ANXA2: variants seen among roughly 807,000 people sequenced by gnomAD.
The protein encoded by ANXA2 is annexin II.
A neutral mutation model predicts 47.3 loss-of-function variants in ANXA2; 28 were observed. The observed-to-expected ratio is 0.59, with a 90% confidence interval of 0.44 to 0.81. ANXA2 has a LOEUF of 0.81. ANXA2 is among the 40% of genes least tolerant of loss of function. ANXA2 has a pLI of 0.00. For missense variants in ANXA2, 384 were observed against 414.3 expected (o/e 0.93, Z 0.64); for synonymous variants, 172 against 155.5 (o/e 1.11, Z -0.79).
intron 3 of ANXA2, among the ~76,000 whole-genome samples, chr15:60,372,921 C>G (rs1325345179): frequency 6.6e-6 from 1 of 151,984 alleles, no homozygotes; most frequent in Non-Finnish European, 1.5e-5. Context: ...TCCCAAAGTG[C>G]TGGGATTACA....
chr15:60,355,894 C>G, intron 7 of ANXA2, 25 bp downstream of exon 7: 2 of 1,599,718 alleles, frequency 1.3e-6, no homozygotes, highest in East Asian at 4.5e-5. Flanking sequence ...GAAGCAAGGG[C>G]AAAGAAAGAA....
At chr15:60,377,959 A>C (rs2062804560) in intron 3 of ANXA2, among the ~76,000 whole-genome samples, 1 of 152,040 alleles carries the variant, frequency 6.6e-6, no homozygotes, top group East Asian at 1.9e-4. Flanking sequence ...GTGGTGGTGC[A>C]TGCCTGTGGT....
intron 3 of ANXA2, among the ~76,000 whole-genome samples, chr15:60,376,607 G>T (rs1452888406): frequency 6.6e-6 from 1 of 152,188 alleles, no homozygotes; most frequent in African/African-American, 2.4e-5. Context: ...GACTGGCTGG[G>T]AAAAGTAGCC....
chr15:60,373,215 C>T (rs1566941967), intron 3 of ANXA2, among the ~76,000 whole-genome samples: 1 of 152,152 alleles, frequency 6.6e-6, no homozygotes, highest in Non-Finnish European at 1.5e-5. Flanking sequence ...CATACAAATG[C>T]ACTTACATTT....
At position 60,375,331 on chromosome 15, in the gene ANXA2, C is replaced by T. The variant is rs540788416; in HGVS notation, c.148+7011G>A. On this transcript the variant is annotated intron_variant, in intron 3 of 12. Coordinates refer to ENST00000451270, the MANE Select transcript of ANXA2 (RefSeq NM_004039.3). ...TAATAATAGGGTAATTCATTACCCTCCCCTTCCAGAGAGAGACCAAAGCTG... is the reference window on the plus strand; with the variant it reads ...TAATAATAGGGTAATTCATTACCCTTCCCTTCCAGAGAGAGACCAAAGCTG... Among the ~76,000 whole-genome samples the T allele has an allele frequency of 3.8e-3, 575 of 152,306 alleles. 4 individuals are homozygous for T. The highest frequency in any genetic ancestry group is 0.013 in the African/African-American group (545 of 41,552).
At chr15:60,374,004 AGGGGAGTT>A (rs1268845857) in intron 3 of ANXA2, among the ~76,000 whole-genome samples, 1 of 152,188 alleles carries the variant, frequency 6.6e-6, no homozygotes, top group African/African-American at 2.4e-5. Context: ...GAAATGAGGC[AGGGGAGTT>A]GGGTGCCTCT....
intron 5 of ANXA2, among the ~76,000 whole-genome samples, chr15:60,358,476 C>T (rs2062465463): frequency 6.6e-6 from 1 of 152,184 alleles, no homozygotes; most frequent in African/African-American, 2.4e-5. Flanking sequence ...CAATAAGAAA[C>T]TTACCCACAT....
At chr15:60,366,093 C>T (rs1217114506) in intron 3 of ANXA2, among the ~76,000 whole-genome samples, 1 of 127,266 alleles carries the variant, frequency 7.9e-6, no homozygotes, top group Non-Finnish European at 1.7e-5. Flanking sequence ...GCGAGTGATC[C>T]GCCAGCCTCG....
At position 60,397,195 on chromosome 15, in the gene ANXA2, C is replaced by G. The variant is rs905301402; in HGVS notation, c.-12+748G>C. The G allele has an allele frequency of 7.0e-5, 62 of 882,396 alleles. 1 individual carries two copies. The highest frequency in any genetic ancestry group is 7.9e-5 in the Non-Finnish European group (58 of 736,274). The allele number at this position is 882,396 out of a possible 1,614,324, so 54.7% of individuals were successfully genotyped here. ...CCTTCTCTCTACTCTCAGTTCCTGA[C>G]TCATTGTCACATCATGGCGAGTAAC... On this transcript the variant is annotated intron_variant, in intron 1 of 12. Coordinates refer to ENST00000451270, the MANE Select transcript of ANXA2 (RefSeq NM_004039.3).
At chr15:60,387,147 C>T (rs2062944151) in intron 1 of ANXA2, 1 of 152,190 alleles carries the variant, frequency 6.6e-6, no homozygotes. Flanking sequence ...AAGCAGATCC[C>T]AGGCCTGGTG....
chr15:60,370,877 T>G (rs1458675730), intron 3 of ANXA2, among the ~76,000 whole-genome samples: 1 of 152,162 alleles, frequency 6.6e-6, no homozygotes, highest in African/African-American at 2.4e-5. Flanking sequence ...AACCTGAATA[T>G]CACTTTCTTT....
intron 3 of ANXA2, among the ~76,000 whole-genome samples, chr15:60,373,263 T>C (rs999915542): frequency 3.3e-5 from 5 of 152,208 alleles, no homozygotes; most frequent in African/African-American, 1.2e-4. Flanking sequence ...CTGGTAATAA[T>C]GCATGGCCAC....
At chr15:60,383,018 TC>T (rs1315343917) in intron 2 of ANXA2, 1 of 152,862 alleles carries the variant, frequency 6.5e-6, no homozygotes, top group African/African-American at 2.4e-5. Context: ...TCTGTATCCT[TC>T]CCTCTGCCTT....
At chr15:60,397,807 CT>C in intron 1 of ANXA2, 135 bp downstream of exon 1, 1 of 1,340,390 alleles carries the variant, frequency 7.5e-7, no homozygotes, top group Non-Finnish European at 9.6e-7. Flanking sequence ...CCGGCCGTCC[CT>C]TCAGCCCCCT....
At chr15:60,394,969 G>A (rs1166571790) in intron 1 of ANXA2, among the ~76,000 whole-genome samples, 1 of 151,864 alleles carries the variant, frequency 6.6e-6, no homozygotes, top group Non-Finnish European at 1.5e-5. Flanking sequence ...GTGGCACCAG[G>A]GCAAGTGAAG....
chr15:60,368,143 T>A (rs1423835073), intron 3 of ANXA2, among the ~76,000 whole-genome samples: 1 of 143,802 alleles, frequency 7.0e-6, no homozygotes, highest in Non-Finnish European at 1.5e-5. Flanking sequence ...CACCACTCCC[T>A]AATCTTAAGT....
At chr15:60,354,424 G>A (rs920293521) in intron 7 of ANXA2, among the ~76,000 whole-genome samples, 1 of 152,100 alleles carries the variant, frequency 6.6e-6, no homozygotes, top group African/African-American at 2.4e-5. Context: ...GGCAGATCAC[G>A]AGGTCAGGAG....
intron 12 of ANXA2, among the ~76,000 whole-genome samples, chr15:60,348,680 G>T (rs1171868911): frequency 6.6e-6 from 1 of 151,654 alleles, no homozygotes; most frequent in Non-Finnish European, 1.5e-5. Flanking sequence ...AGAAGTCGGA[G>T]GTTGCAGTGA....
intron 3 of ANXA2, among the ~76,000 whole-genome samples, chr15:60,378,268 C>T (rs1025101487): frequency 6.6e-6 from 1 of 152,184 alleles, no homozygotes; most frequent in Non-Finnish European, 1.5e-5. Flanking sequence ...ACTAAACACA[C>T]TGAAATGTAC....
Sources: gnomAD v4.1 joint callset for allele counts (sites outside exome capture counted in the v4.1 genomes callset) on GRCh38, gnomAD v4.1.1 for gene constraint, MANE v1.5 for transcripts, NCBI Gene and HGNC (gene_info 2026-07-23, HGNC 2026-07-21) for gene names.